The following LOXL2 variants were observed in gnomAD, a reference collection of about 807,000 sequenced individuals.
LOXL2 encodes the protein lysyl oxidase like 2.
Under a neutral mutation model 93.0 loss-of-function variants are expected in LOXL2, and 70 were observed. The observed-to-expected ratio is 0.75, with a 90% CI of 0.62 to 0.92. The LOEUF is 0.92. LOXL2 is among the 40% of genes least tolerant of loss of function. The probability of loss-of-function intolerance (pLI) is 0.00; values close to 1 mark genes in which losing one functional copy is unlikely to be tolerated. For synonymous variants in LOXL2, 438 were observed against 413.2 expected (o/e 1.06, Z -0.73); for missense variants, 973 against 1,054.9 (o/e 0.92, Z 1.08).
In LOXL2 at chr8:23,320,110, C is replaced by A. The variant is rs567073726; in HGVS notation, c.1303-58G>T. 20 of 1,555,668 alleles carry A rather than the reference C, an allele frequency of 1.3e-5. No individual in the cohort carries two copies. The East Asian group carries it at 4.3e-4, about 33-fold the overall frequency. The stretch of plus-strand genomic sequence containing the variant: ...GAGGGACAAGGGAGCTTCCCCCCTA[C>A]GCTGCCATCAGCCCCAGTGTCCTGG... On this transcript the variant is annotated intron_variant, in intron 7 of 13. Transcript: ENST00000389131.
Position 23,302,135 on chromosome 8 carries a change from G to A in LOXL2, c.2025C>T (p.Asn675=). ...GDIQKNYECA[N]FGDQGITMGC... is the part of the protein sequence containing the mutation. ...CCATGGTGATGCCCTGATCGCCGAA[G>A]TTGGCACACTCGTAATTCTTCTGGA... Residue 675 remains asparagine, a synonymous_variant, in exon 12 of 14, where the codon AAC becomes AAT. Coordinates refer to ENST00000389131, the MANE Select transcript of LOXL2 (RefSeq NM_002318.3). The A allele has an allele frequency of 6.2e-7, 1 of 1,614,144 alleles. No homozygotes were observed. The highest frequency in any genetic ancestry group is 8.5e-7 in the Non-Finnish European group (1 of 1,180,008).
intron 5 of LOXL2, among the ~76,000 whole-genome samples, chr8:23,330,190 C>T (rs968576962): frequency 6.6e-6 from 1 of 152,074 alleles, no homozygotes. Flanking sequence ...AAAAATTAGC[C>T]AGGTGCGGTG....
At chr8:23,305,715 AGG>A (rs1803219423) in intron 10 of LOXL2, among the ~76,000 whole-genome samples, 1 of 152,168 alleles carries the variant, frequency 6.6e-6, no homozygotes, top group African/African-American at 2.4e-5. Flanking sequence ...CAGAACGCTA[AGG>A]GGAGAGAGAG....
chr8:23,315,650 C>T (rs1803382507), intron 9 of LOXL2, among the ~76,000 whole-genome samples: 1 of 152,106 alleles, frequency 6.6e-6, no homozygotes, highest in African/African-American at 2.4e-5. Flanking sequence ...TATTAATGAC[C>T]AGTATTCTCT....
intron 8 of LOXL2, 141 bp from the exon 9 acceptor site, chr8:23,317,255 A>C: frequency 1.1e-6 from 1 of 873,340 alleles, no homozygotes; most frequent in African/African-American, 1.7e-5. Flanking sequence ...AGGGTCACCT[A>C]TCCAAGCTGT....
chr8:23,313,893 C>T (rs1803352649), intron 9 of LOXL2, among the ~76,000 whole-genome samples: 1 of 149,328 alleles, frequency 6.7e-6, no homozygotes, highest in Admixed American at 6.7e-5. Context: ...TGGCAACCTA[C>T]TCATCTGACA....
chr8:23,385,865 TTC>T (rs1212766265), intron 1 of LOXL2: 3 of 724,964 alleles, frequency 4.1e-6, no homozygotes, highest in Admixed American at 1.9e-5. Flanking sequence ...ATGTTTTGCG[TTC>T]TTTTTTCTTT....
intron 3 of LOXL2, among the ~76,000 whole-genome samples, chr8:23,354,598 G>C (rs1184581007): frequency 1.3e-5 from 2 of 152,192 alleles, no homozygotes; most frequent in South Asian, 4.2e-4. Flanking sequence ...CTGTGTGTGT[G>C]TGTGTGTGTT....
intron 3 of LOXL2, among the ~76,000 whole-genome samples, chr8:23,351,294 G>A (rs1261120190): frequency 1.3e-5 from 2 of 152,134 alleles, no homozygotes; most frequent in Non-Finnish European, 2.9e-5. Context: ...CAGGCTGACC[G>A]CTGCCCACTC....
rs76612893 is a variant in LOXL2 at position 23,310,760 on chromosome 8, C to G, written c.1637-849G>C. On this transcript the variant is annotated intron_variant, in intron 9 of 13. Coordinates refer to ENST00000389131, the MANE Select transcript of LOXL2 (RefSeq NM_002318.3). ...GGTTCCACAGGACACACTGCTGCCCCACAGGAGAGTTTTCCCCAGGTGCCT... is the reference window on the plus strand; with the variant it reads ...GGTTCCACAGGACACACTGCTGCCCGACAGGAGAGTTTTCCCCAGGTGCCT... Among the ~76,000 whole-genome samples, 1,395 of 152,340 alleles carry G rather than the reference C, an allele frequency of 9.2e-3. 84 individuals carry two copies. In the East Asian group the frequency reaches 0.16, roughly 17 times the overall value.
intron 1 of LOXL2, among the ~76,000 whole-genome samples, chr8:23,383,665 T>TG (rs1804712702): frequency 1.8e-5 from 2 of 111,026 alleles, no homozygotes; most frequent in African/African-American, 5.9e-5. Flanking sequence ...TTGTTTTTTT[T>TG]TTTTTTTTTT....
chr8:23,342,696 G>A (rs1184165771), intron 3 of LOXL2, among the ~76,000 whole-genome samples: 1 of 152,080 alleles, frequency 6.6e-6, no homozygotes, highest in East Asian at 1.9e-4. Context: ...CTCACAAAGT[G>A]CTGGGATTAC....
At chr8:23,359,983 C>T in intron 3 of LOXL2, 107 bp downstream of exon 3, 4 of 1,052,080 alleles carry the variant, frequency 3.8e-6, no homozygotes, top group East Asian at 4.9e-5. Context: ...GGTGAGGTAC[C>T]CTCCTTCCTG....
At chr8:23,363,897 CAG>C (rs919811740) in intron 2 of LOXL2, 7 of 152,186 alleles carry the variant, frequency 4.6e-5, no homozygotes, top group Non-Finnish European at 1.0e-4. Context: ...TTTTTTGAGA[CAG>C]TGTCTCACTC....
At chr8:23,365,925 A>G (rs912952443) in intron 2 of LOXL2, 2 of 152,196 alleles carry the variant, frequency 1.3e-5, no homozygotes, top group African/African-American at 2.4e-5. Flanking sequence ...CATGAGTTTA[A>G]TCCTTCCCTT....
intron 1 of LOXL2, among the ~76,000 whole-genome samples, chr8:23,398,239 G>A (rs1800118803): frequency 1.3e-5 from 2 of 152,106 alleles, no homozygotes; most frequent in Non-Finnish European, 2.9e-5. Context: ...CTTGTCGTAA[G>A]TGTATGTTTT....
chr8:23,398,107 G>C (rs1028364237), intron 1 of LOXL2, among the ~76,000 whole-genome samples: 4 of 152,078 alleles, frequency 2.6e-5, no homozygotes, highest in African/African-American at 9.7e-5. Flanking sequence ...TGTTTACCTT[G>C]GTACCCCAGT....
intron 3 of LOXL2, among the ~76,000 whole-genome samples, chr8:23,342,977 C>G (rs1803908505): frequency 1.3e-5 from 2 of 152,282 alleles, no homozygotes; most frequent in South Asian, 4.1e-4. Context: ...TTTCGAACTC[C>G]TGGCCTCAAG....
chr8:23,320,071 G>A lies in LOXL2; in HGVS notation c.1303-19C>T, dbSNP rs1170336829. ...GGCGCAGCTGCAGACACAAAGGCAG[G>A]CCACGGTCACCAAGAGGGACAAGGG... is the stretch of plus-strand genomic sequence containing the variant. On this transcript the variant is annotated intron_variant, in intron 7 of 13. Transcript: ENST00000389131. The A allele has an allele frequency of 6.2e-7, 1 of 1,612,686 alleles. No homozygotes were observed. Among genetic ancestry groups the A allele is most frequent in the Admixed American group, 1.7e-5 (1 of 60,010 alleles).
Sources: allele counts gnomAD v4.1 joint callset (sites outside exome capture counted in the v4.1 genomes callset), GRCh38; gene constraint gnomAD v4.1.1; transcripts MANE v1.5; gene names NCBI Gene and HGNC (gene_info 2026-07-23, HGNC 2026-07-21).